Variants in DAB1 observed in about 807,000 individuals in gnomAD.
DAB1 encodes the protein DAB adaptor protein 1.
DAB1 carries 15 observed loss-of-function variants against 64.6 expected under a neutral mutation model. The observed-to-expected ratio is 0.23, with a 90% CI of 0.16 to 0.36. The LOEUF is 0.36. Ranked by LOEUF, DAB1 falls within the 10% of genes least tolerant of loss-of-function variation. DAB1 has a pLI of 1.00. For synonymous variants in DAB1, 235 were observed against 251.9 expected (o/e 0.93, Z 0.64); for missense variants, 596 against 706.7 (o/e 0.84, Z 1.78).
intron 7 of DAB1, among the ~76,000 whole-genome samples, chr1:57,586,722 C>T (rs1335215589): frequency 2.0e-5 from 3 of 151,710 alleles, no homozygotes; most frequent in African/African-American, 7.3e-5. Flanking sequence ...TTTCCTACTT[C>T]CATTATCCAT....
At chr1:58,308,059 T>C (rs1662346229) in intron 4 of DAB1, among the ~76,000 whole-genome samples, 1 of 152,114 alleles carries the variant, frequency 6.6e-6, no homozygotes, top group Non-Finnish European at 1.5e-5. Flanking sequence ...TTCAGCTTAT[T>C]CTGCAGTGCA....
chr1:57,571,360 G>A lies in DAB1; in HGVS notation n.625+78232C>T, dbSNP rs758978964. 3.5e-4 allele frequency among the ~76,000 whole-genome samples: 53 copies of A among 152,058 alleles called. 1 individual carries two copies. The highest frequency in any genetic ancestry group is 2.3e-3 in the South Asian group (11 of 4,822). On this transcript the variant is annotated intron_variant and non_coding_transcript_variant, in intron 7 of 20. Transcript: ENST00000485760. ...CCCCTGTGTTCTCCCTGCCTTTAGTGTCATCCTTACCACCCATTTTACAGA... is the reference window on the plus strand; with the variant it reads ...CCCCTGTGTTCTCCCTGCCTTTAGTATCATCCTTACCACCCATTTTACAGA...
intron 6 of DAB1, among the ~76,000 whole-genome samples, chr1:57,702,605 G>A (rs1646919583): frequency 1.3e-5 from 2 of 152,134 alleles, no homozygotes; most frequent in Admixed American, 6.6e-5. Flanking sequence ...TTTTTCAATA[G>A]TCTGAGCTCC....
intron 4 of DAB1, among the ~76,000 whole-genome samples, chr1:57,123,868 CA>C (rs561777131): frequency 2.6e-4 from 39 of 152,036 alleles, no homozygotes; most frequent in Admixed American, 1.2e-3. Flanking sequence ...GATATATACA[CA>C]AAAAAATCTT....
At chr1:57,806,061 T>C (rs1651348838) in intron 6 of DAB1, among the ~76,000 whole-genome samples, 2 of 152,186 alleles carry the variant, frequency 1.3e-5, no homozygotes. Flanking sequence ...GGCTTCCCAT[T>C]TCACACATTT....
chr1:57,773,050 A>G (rs934541122), intron 6 of DAB1, among the ~76,000 whole-genome samples: 6 of 152,098 alleles, frequency 3.9e-5, no homozygotes, highest in Non-Finnish European at 7.4e-5. Context: ...AGCAACCACA[A>G]GAAGCTAACA....
intron 5 of DAB1, among the ~76,000 whole-genome samples, chr1:58,060,800 A>G (rs552039620): frequency 6.6e-6 from 1 of 152,232 alleles, no homozygotes; most frequent in Non-Finnish European, 1.5e-5. Flanking sequence ...TAGCCCGAGC[A>G]GTGTCTTCCA....
intron 5 of DAB1, among the ~76,000 whole-genome samples, chr1:58,018,812 A>G (rs1259990441): frequency 6.6e-6 from 1 of 152,214 alleles, no homozygotes; most frequent in Non-Finnish European, 1.5e-5. Context: ...GTACATTGTT[A>G]TAAAACTCCT....
chr1:58,502,432 T>G (rs991029245), intron 3 of DAB1, among the ~76,000 whole-genome samples: 1 of 152,220 alleles, frequency 6.6e-6, no homozygotes, highest in East Asian at 1.9e-4. Context: ...TCACTTCTTT[T>G]TAGATGACTC....
chr1:58,531,106 A>T (rs1002506996), intron 1 of DAB1, among the ~76,000 whole-genome samples: 1 of 152,232 alleles, frequency 6.6e-6, no homozygotes, highest in African/African-American at 2.4e-5. Context: ...TATTACTAAA[A>T]GGACCAGAAA....
chr1:57,784,222 G>A (rs77543059), intron 6 of DAB1, among the ~76,000 whole-genome samples: 5,773 of 152,088 alleles, frequency 0.038, 384 homozygotes, highest in African/African-American at 0.13. Context: ...TGGCAAGACC[G>A]TTTCTACAAA....
At chr1:58,361,159 G>T (rs1014883986) in intron 3 of DAB1, among the ~76,000 whole-genome samples, 1 of 152,222 alleles carries the variant, frequency 6.6e-6, no homozygotes, top group Non-Finnish European at 1.5e-5. Context: ...TGCAAGGAGG[G>T]AGACCATGGG....
At chr1:57,516,868 A>G (rs1570589520) in intron 7 of DAB1, among the ~76,000 whole-genome samples, 1 of 152,210 alleles carries the variant, frequency 6.6e-6, no homozygotes, top group East Asian at 1.9e-4. Context: ...TAAGCTAGTC[A>G]TTTATTCATC....
chr1:57,350,308 G>A (rs957939991), intron 1 of DAB1, among the ~76,000 whole-genome samples: 2 of 152,158 alleles, frequency 1.3e-5, no homozygotes, highest in Non-Finnish European at 2.9e-5. Context: ...TTTACGTGGT[G>A]TAGCTAGGAT....
chr1:57,176,896 A>G (rs1662375708), intron 2 of DAB1, among the ~76,000 whole-genome samples: 1 of 151,780 alleles, frequency 6.6e-6, no homozygotes, highest in Admixed American at 6.6e-5. Flanking sequence ...ATGCCACCCA[A>G]AAAAGAACAC....
intron 4 of DAB1, among the ~76,000 whole-genome samples, chr1:57,120,089 C>T (rs1656498615): frequency 2.0e-5 from 3 of 152,048 alleles, no homozygotes; most frequent in Admixed American, 2.0e-4. Context: ...AAAGTGACAA[C>T]AAATAAAGGC....
intron 2 of DAB1, among the ~76,000 whole-genome samples, chr1:57,265,556 T>C (rs538342387): frequency 3.3e-5 from 5 of 152,328 alleles, no homozygotes; most frequent in South Asian, 2.1e-4. Flanking sequence ...AAAGGAGAAT[T>C]CAGAACTTAC....
At chr1:57,251,253 G>A (rs1483614957) in intron 2 of DAB1, among the ~76,000 whole-genome samples, 1 of 152,172 alleles carries the variant, frequency 6.6e-6, no homozygotes, top group Non-Finnish European at 1.5e-5. Flanking sequence ...TAAGTGAAAG[G>A]TCTTGCTGCA....
chr1:56,999,513 T>G, intron 14 of DAB1, among the ~76,000 whole-genome samples: 1 of 152,226 alleles, frequency 6.6e-6, no homozygotes, highest in East Asian at 1.9e-4. Flanking sequence ...GGGTGGCTTT[T>G]ATTTTTTGAG....
Sources: gnomAD v4.1 joint callset for allele counts (sites outside exome capture counted in the v4.1 genomes callset) on GRCh38, gnomAD v4.1.1 for gene constraint, MANE v1.5 for transcripts, NCBI Gene and HGNC (gene_info 2026-07-23, HGNC 2026-07-21) for gene names.